TAOK1: variants seen among roughly 807,000 people sequenced by gnomAD.
The protein encoded by TAOK1 is serine/threonine-protein kinase TAO1.
TAOK1 carries 21 observed loss-of-function variants against 138.3 expected under a neutral mutation model. The observed-to-expected ratio is 0.15, with a 90% CI of 0.11 to 0.22. The LOEUF is 0.22. Among genes scored for constraint, TAOK1 ranks in the 10% least tolerant of loss-of-function variants. The pLI is 1.00. For missense variants in TAOK1, 651 were observed against 1,227.7 expected, an observed-to-expected ratio of 0.53 and a Z score of 7.02; for synonymous variants, 361 against 398.4, an observed-to-expected ratio of 0.91 and a Z score of 1.12.
At chr17:29,541,847 A>G (rs2032323153) in intron 19 of TAOK1, among the ~76,000 whole-genome samples, 1 of 151,926 alleles carries the variant, frequency 6.6e-6, no homozygotes, top group African/African-American at 2.4e-5. Flanking sequence ...CCTAAGGGAC[A>G]TCTCTTTTTA....
chr17:29,419,333 A>G (rs1490275213), intron 1 of TAOK1, among the ~76,000 whole-genome samples: 1 of 151,772 alleles, frequency 6.6e-6, no homozygotes, highest in Non-Finnish European at 1.5e-5. Context: ...AGTAGCTGGG[A>G]TTACAGGCAT....
At chr17:29,391,183 C>T (rs1214669341) in intron 1 of TAOK1, among the ~76,000 whole-genome samples, 159 bp downstream of exon 1, 1 of 152,076 alleles carries the variant, frequency 6.6e-6, no homozygotes, top group Non-Finnish European at 1.5e-5. Context: ...AGCTGGTGAG[C>T]TGGGCGCCCT....
chr17:29,432,809 TGCTCTGTCTCTCAGATCATA>T (rs1474697259), intron 1 of TAOK1, among the ~76,000 whole-genome samples: 1 of 151,814 alleles, frequency 6.6e-6, no homozygotes, highest in Non-Finnish European at 1.5e-5. Flanking sequence ...GACAGAGTTG[TGCTCTGTCTCTCAGATCATA>T]GCTTACTGCA....
chr17:29,447,955 C>CTTT (rs56163080), intron 1 of TAOK1, among the ~76,000 whole-genome samples: 1,136 of 93,220 alleles, frequency 0.012, 21 homozygotes, highest in African/African-American at 0.046. Context: ...TGCACCTGGT[C>CTTT]TTTTTTTTTT....
Position 29,542,766 on chromosome 17 carries a change from G to T in TAOK1, c.2750G>T (p.Gly917Val). The change falls in exon 20 of 20, where the codon GGT becomes GTT. Residue 917 changes from glycine (G) to valine (V), a missense_variant. Transcript: ENST00000261716. ...GGTTGGTCACACAACCCTACTGGGG[G>T]TCCAGGACCTCACTGGGGTCATCCC... ...ASGWSHNPTGGPGPHWGHPMG... is the reference protein window; with the variant it reads ...ASGWSHNPTGVPGPHWGHPMG... 1 of 1,614,194 alleles carries T rather than the reference G, an allele frequency of 6.2e-7. No individual in the cohort carries two copies. Among genetic ancestry groups the T allele is most frequent in the Non-Finnish European group, 8.5e-7 (1 of 1,180,036 alleles).
chr17:29,442,310 T>C (rs2029963934), intron 1 of TAOK1, among the ~76,000 whole-genome samples: 1 of 152,002 alleles, frequency 6.6e-6, no homozygotes, highest in Admixed American at 6.6e-5. Flanking sequence ...CCTCCCAAAG[T>C]GCTGGGATTA....
chr17:29,400,293 C>G (rs1904797459), intron 1 of TAOK1, among the ~76,000 whole-genome samples: 1 of 149,980 alleles, frequency 6.7e-6, no homozygotes, highest in Non-Finnish European at 1.5e-5. Context: ...ACTTGGGAGG[C>G]TGAGGCAGGA....
chr17:29,534,562 A>G (rs1050255805), intron 19 of TAOK1, among the ~76,000 whole-genome samples: 6 of 152,242 alleles, frequency 3.9e-5, no homozygotes, highest in African/African-American at 1.4e-4. Flanking sequence ...GAAGACAGTC[A>G]GCTGAATTTG....
At chr17:29,459,141 CT>C (rs2030470865) in intron 2 of TAOK1, among the ~76,000 whole-genome samples, 1 of 152,124 alleles carries the variant, frequency 6.6e-6, no homozygotes, top group Non-Finnish European at 1.5e-5. Context: ...CTTTTGTTAG[CT>C]TCTGACTCTG....
intron 1 of TAOK1, among the ~76,000 whole-genome samples, chr17:29,423,085 T>G (rs543121643): frequency 6.6e-6 from 1 of 151,822 alleles, no homozygotes; most frequent in Admixed American, 6.6e-5. Context: ...GGTTTCTTTT[T>G]TTTCCCCCAT....
At chr17:29,398,215 C>CT (rs533202960) in intron 1 of TAOK1, among the ~76,000 whole-genome samples, 1,611 of 150,676 alleles carry the variant, frequency 0.011, 35 homozygotes, top group African/African-American at 0.037. Context: ...CTTTTCTTTT[C>CT]TTTTTTTTTG....
At chr17:29,396,796 G>C (rs1278107221) in intron 1 of TAOK1, among the ~76,000 whole-genome samples, 1 of 151,262 alleles carries the variant, frequency 6.6e-6, no homozygotes, top group East Asian at 2.0e-4. Flanking sequence ...TTCAAGACCA[G>C]CCTGGCCAAT....
At chr17:29,530,348 A>G (rs2032080539) in intron 17 of TAOK1, 59 bp from the exon 18 acceptor site, 3 of 1,437,270 alleles carry the variant, frequency 2.1e-6, no homozygotes, top group Non-Finnish European at 2.9e-6. Context: ...ATGTAAGCAT[A>G]CCATATACCA....
intron 17 of TAOK1, among the ~76,000 whole-genome samples, chr17:29,522,749 G>A (rs907406439): frequency 2.6e-5 from 4 of 152,142 alleles, no homozygotes; most frequent in African/African-American, 9.7e-5. Flanking sequence ...CATGGGAAGT[G>A]CCAGTAGATA....
intron 19 of TAOK1, among the ~76,000 whole-genome samples, chr17:29,536,688 A>G (rs12943131): frequency 0.42 from 61,576 of 148,364 alleles, 13,470 homozygotes; most frequent in Non-Finnish European, 0.48. Context: ...TCCTAAATCC[A>G]TGTCATTCAA....
At chr17:29,517,362 T>C (rs2153030375) in intron 15 of TAOK1, 91 bp from the exon 16 acceptor site, 2 of 1,237,548 alleles carry the variant, frequency 1.6e-6, no homozygotes, top group East Asian at 2.4e-5. Flanking sequence ...TCAGGTGATC[T>C]GCCCACCTCG....
rs1044267962 is a variant in TAOK1 at position 29,531,054 on chromosome 17, C to T, written c.2361+435C>T. 4.9e-5 allele frequency among the ~76,000 whole-genome samples: 7 copies of T among 144,312 alleles called. No homozygotes were observed. The East Asian group carries it at 1.1e-3, about 22-fold the overall frequency. 94.7% of individuals were successfully genotyped at this position (144,312 alleles called of 152,430 possible). On this transcript the variant is annotated intron_variant, in intron 18 of 19. Coordinates refer to ENST00000261716, the MANE Select transcript of TAOK1 (RefSeq NM_020791.4). ...TCGGCTCACTGCAAGCTCCGCCTCC[C>T]GGGTTCACGCCATTCTCCTGCCTCA...
rs2030233597 is a variant in TAOK1, at chr17:29,451,483, A to G, written c.-66A>G. 3 of 1,503,480 alleles carry G rather than the reference A, an allele frequency of 2.0e-6. No individual in the cohort carries two copies. Among genetic ancestry groups the G allele is most frequent in the Middle Eastern group, 1.8e-4 (1 of 5,632 alleles). The allele number at this position is 1,503,480 out of a possible 1,614,324, so 93.1% of individuals were successfully genotyped here. A position where few individuals can be genotyped will look rare whatever the true frequency, so the allele number is the denominator to read the frequency against. Reference sequence around the variant, plus strand: ...TTTATGCCAACGTGACTTCATTCATACAGATGAACCAAGGATCGGGATAGC... The same window carrying G: ...TTTATGCCAACGTGACTTCATTCATGCAGATGAACCAAGGATCGGGATAGC... On this transcript the variant is annotated 5_prime_UTR_variant, in exon 2 of 20. It adds an upstream start codon to the 5' untranslated region. Transcript: ENST00000261716.
Position 29,542,997 on chromosome 17 carries a change from A to G in TAOK1, c.2981A>G (p.Asn994Ser), listed in dbSNP as rs1303456586. The G allele has an allele frequency of 5.0e-6, 8 of 1,604,986 alleles. No individual in the cohort carries two copies. The highest frequency in any genetic ancestry group is 2.2e-5 in the East Asian group (1 of 44,650). ...RSTSVTSQIS[N>S]GSHMSYT ...ACGAGTGTCACTTCACAAATATCCA[A>G]TGGGTCACACATGTCTTATACATAA... is the stretch of plus-strand genomic sequence containing the variant. The change falls in exon 20 of 20, where the codon AAT (asparagine) becomes AGT (serine). Residue 994 changes from asparagine (N) to serine (S), a missense_variant. This residue lies in a region of TAOK1 where 108 missense variants were observed against 120.3 expected (regional missense o/e 0.90). Coordinates refer to ENST00000261716, the MANE Select transcript of TAOK1 (RefSeq NM_020791.4).
Sources: gnomAD v4.1 joint callset for allele counts (sites outside exome capture counted in the v4.1 genomes callset) on GRCh38, gnomAD v4.1.1 for gene constraint, gnomAD v4.1.1 regional missense constraint, MANE v1.5 for transcripts, NCBI Gene and HGNC (gene_info 2026-07-23, HGNC 2026-07-21) for gene names.